ZNF479: variants seen among roughly 807,000 people sequenced by gnomAD.
The protein encoded by ZNF479 is KRAB zinc finger protein KR19.
ZNF479 carries 15 observed loss-of-function variants against 14.7 expected under a neutral mutation model. The observed-to-expected ratio is 1.02, with a 90% CI of 0.68 to 1.57. The LOEUF (loss-of-function observed/expected upper bound fraction) is 1.57. Among genes scored for constraint, ZNF479 ranks in the 40% most tolerant of loss-of-function variants. The probability of loss-of-function intolerance (pLI) is 0.00; values close to 1 mark genes in which losing one functional copy is unlikely to be tolerated. For synonymous variants in ZNF479, 145 were observed against 211.5 expected (o/e 0.69, Z 2.73); for missense variants, 506 against 615.1 (o/e 0.82, Z 1.88).
At chr7:57,121,301 T>C (rs1785936502) in intron 3 of ZNF479, 149 bp from the exon 4 acceptor site, 1 of 666,558 alleles carries the variant, frequency 1.5e-6, no homozygotes, top group Admixed American at 2.9e-5. Context: ...GATGTATAAA[T>C]GTAACAAAAT....
chr7:57,125,198 T>A (rs1268523443), intron 3 of ZNF479, among the ~76,000 whole-genome samples: 1 of 152,172 alleles, frequency 6.6e-6, no homozygotes, highest in African/African-American at 2.4e-5. Context: ...ATAATCACAA[T>A]ACAAAACAAA....
At position 57,132,411 on chromosome 7, in the gene ZNF479, A is replaced by C. The variant is rs1378041220; in HGVS notation, c.-87T>G. ...ACAGAGCAGTGAAGAGGAGAACTGC[A>C]GCTCTGGACGCAGAGAAACACAAAG... On this transcript the variant is annotated 5_prime_UTR_variant, in exon 1 of 4. Transcript: ENST00000319636. 149 of 1,598,528 alleles carry C rather than the reference A, an allele frequency of 9.3e-5. No individual in the cohort carries two copies. Among genetic ancestry groups the C allele is most frequent in the Non-Finnish European group, 1.2e-4 (135 of 1,166,792 alleles).
upstream of ZNF479, among the ~76,000 whole-genome samples, chr7:57,132,580 C>A (rs1562852007): frequency 6.6e-6 from 1 of 152,118 alleles, no homozygotes; most frequent in African/African-American, 2.4e-5. Context: ...AGACACTGGG[C>A]TGAGTGAAGC....
At chr7:57,136,015 T>TCTC (rs1786640769), upstream of ZNF479, among the ~76,000 whole-genome samples, 1 of 114,352 alleles carries the variant, frequency 8.7e-6, no homozygotes, top group African/African-American at 3.9e-5. Flanking sequence ...CTCTCTCTCT[T>TCTC]TCCTTTCCTA....
In ZNF479 at chr7:57,120,615, T is replaced by G. The variant is rs183135664; in HGVS notation, c.800A>C (p.Lys267Thr). 7.4e-5 allele frequency: 119 copies of G among 1,613,964 alleles called. No homozygotes were observed. The East Asian group carries it at 2.4e-3, about 33-fold the overall frequency. ...GCCACATTCTTCACACGTGTAGGGTTTCTCTCCAGTATGAGTTCTCTTATG... is the reference window on the plus strand; with the variant it reads ...GCCACATTCTTCACACGTGTAGGGTGTCTCTCCAGTATGAGTTCTCTTATG... ...TRHKRTHTGE[K>T]PYTCEECGQA... The change falls in exon 4 of 4, where the codon AAA becomes ACA. Residue 267 changes from lysine (K) to threonine (T), a missense_variant. By Grantham distance (78) the Lys-to-Thr change is moderately conservative (BLOSUM62 -1). Transcript: ENST00000319636.
chr7:57,134,735 C>T (rs939759279), upstream of ZNF479, among the ~76,000 whole-genome samples: 4 of 139,594 alleles, frequency 2.9e-5, no homozygotes, highest in East Asian at 2.2e-4. Context: ...AGTGCAGTGG[C>T]GCCATCTCGG....
upstream of ZNF479, among the ~76,000 whole-genome samples, chr7:57,136,186 C>T (rs1786648984): frequency 1.3e-5 from 2 of 152,028 alleles, no homozygotes; most frequent in Admixed American, 1.3e-4. Flanking sequence ...GAGTTGAAGA[C>T]CAGCCCGGCC....
At chr7:57,129,100 A>G (rs1385540874) in intron 1 of ZNF479, among the ~76,000 whole-genome samples, 2 of 152,200 alleles carry the variant, frequency 1.3e-5, no homozygotes, top group East Asian at 3.8e-4. Flanking sequence ...CATAACTATT[A>G]AAATATAAGT....
intron 1 of ZNF479, among the ~76,000 whole-genome samples, chr7:57,127,881 T>C (rs1334858705): frequency 3.3e-5 from 5 of 151,082 alleles, no homozygotes; most frequent in African/African-American, 1.2e-4. Context: ...GTGGCATTTC[T>C]CTCCTCTCAG....
chr7:57,136,133 C>T (rs533025920), upstream of ZNF479, among the ~76,000 whole-genome samples: 36 of 152,166 alleles, frequency 2.4e-4, no homozygotes, highest in African/African-American at 8.0e-4. Flanking sequence ...CCTGTAATCT[C>T]AGCATTTTGG....
intron 1 of ZNF479, among the ~76,000 whole-genome samples, chr7:57,131,675 T>C (rs1003273581): frequency 3.3e-5 from 5 of 151,674 alleles, no homozygotes; most frequent in Admixed American, 6.6e-5. Flanking sequence ...TCTGATGACA[T>C]AACCAAGAAA....
chr7:57,127,936 TA>T (rs1305968697), intron 1 of ZNF479, among the ~76,000 whole-genome samples: 30 of 73,166 alleles, frequency 4.1e-4, no homozygotes, highest in African/African-American at 1.5e-3. Context: ...TATATATATA[TA>T]TTTTTTTTTT....
chr7:57,127,225 G>A (rs1288958009), intron 1 of ZNF479, among the ~76,000 whole-genome samples: 1 of 151,872 alleles, frequency 6.6e-6, no homozygotes, highest in East Asian at 1.9e-4. Flanking sequence ...GTTTCTCCAT[G>A]TGGACCTGGC....
In ZNF479 at chr7:57,120,905, T is replaced by C. The variant is rs556029399; in HGVS notation, c.510A>G (p.Ser170=). The C allele has an allele frequency of 5.6e-5, 91 of 1,613,916 alleles. No homozygotes were observed. In the East Asian group the frequency reaches 1.6e-3, roughly 28 times the overall value. Residue 170 remains serine (S), a synonymous_variant, in exon 4 of 4, where the codon TCA becomes TCG. Coordinates refer to ENST00000319636, the MANE Select transcript of ZNF479 (RefSeq NM_001370129.2). ...ATCTTGTTTTATCTCTATTGGAATT[T>C]GAAAATTTACCAAAGACTTTGACAT... is the stretch of plus-strand genomic sequence containing the variant. ...HKYVKVFGKF[S]NSNRDKTRYT... is the part of the protein sequence containing the mutation.
chr7:57,121,018 C>T lies in ZNF479; in HGVS notation c.397G>A (p.Gly133Ser), dbSNP rs782131768. 1.2e-6 allele frequency: 2 copies of T among 1,613,968 alleles called. No homozygotes were observed. Among genetic ancestry groups the T allele is most frequent in the African/African-American group, 1.3e-5 (1 of 74,990 alleles). The change falls in exon 4 of 4, where the codon GGT becomes AGT. Residue 133 changes from glycine to serine, a missense_variant. Around this residue, in one of 3 missense-constraint regions of ZNF479, gnomAD observed 420 missense variants for 474.2 expected, o/e 0.89. Transcript: ENST00000319636. ...CCTCCCTTGTGCACCTCATATTCAC[C>T]CACACTTTTACAGCATTTTTTAAAT... is the stretch of plus-strand genomic sequence containing the variant. ...LQFKKCCKSV[G>S]EYEVHKGGYS...
upstream of ZNF479, among the ~76,000 whole-genome samples, chr7:57,134,572 G>T (rs537975643): frequency 6.6e-6 from 1 of 151,830 alleles, no homozygotes; most frequent in African/African-American, 2.4e-5. Context: ...TTGCTGCTCT[G>T]CCTAGAGAGT....
chr7:57,117,990 G>T lies in ZNF479; in HGVS notation c.*1850C>A, dbSNP rs188434011. On this transcript the variant is annotated 3_prime_UTR_variant, in exon 4 of 4. Transcript: ENST00000319636. ...ATTTAGTGTAATGTATGAAGTTTCA[G>T]TGCCTTCATTCTTTCTACTGTGACC... 2.1e-3 allele frequency among the ~76,000 whole-genome samples: 324 copies of T among 152,370 alleles called. No homozygotes were observed. The highest frequency in any genetic ancestry group is 7.0e-3 in the African/African-American group (292 of 41,588).
chr7:57,121,897 C>T (rs1240130644), intron 3 of ZNF479, among the ~76,000 whole-genome samples: 3 of 151,212 alleles, frequency 2.0e-5, no homozygotes, highest in Non-Finnish European at 2.9e-5. Context: ...ATATTATGCT[C>T]AATGAGAAAA....
Position 57,126,068 on chromosome 7 carries a change from T to G in ZNF479, c.212A>C (p.Asn71Thr). 1.2e-6 allele frequency: 2 copies of G among 1,604,110 alleles called. No homozygotes were observed. The highest frequency in any genetic ancestry group is 1.7e-6 in the Non-Finnish European group (2 of 1,179,858). The change falls in exon 3 of 4, where the codon AAT (asparagine) becomes ACT (threonine). Residue 71 changes from asparagine to threonine, a missense_variant. By Grantham distance (65) the Asn-to-Thr change is moderately conservative. Around this residue, in one of 3 missense-constraint regions of ZNF479, gnomAD observed 420 missense variants for 474.2 expected, o/e 0.89. Coordinates refer to ENST00000319636, the MANE Select transcript of ZNF479 (RefSeq NM_001370129.2). Reference sequence around the variant, plus strand: ...TCTCTTTATATTCTGGGACTCTTTATTTTGCTCCAGACAGGTGATCAAGTC... The same window carrying G: ...TCTCTTTATATTCTGGGACTCTTTAGTTTGCTCCAGACAGGTGATCAAGTC... ...KPDLITCLEQ[N>T]KESQNIKRNE...
Sources: gnomAD v4.1 joint callset for allele counts (sites outside exome capture counted in the v4.1 genomes callset) on GRCh38, gnomAD v4.1.1 for gene constraint, gnomAD v4.1.1 regional missense constraint, MANE v1.5 for transcripts, NCBI Gene and HGNC (gene_info 2026-07-23, HGNC 2026-07-21) for gene names.